Variants in ERBB4 observed in about 807,000 individuals in gnomAD.
ERBB4 encodes the protein receptor tyrosine-protein kinase erbB-4.
ERBB4 carries 42 observed loss-of-function variants against 158.0 expected under a neutral mutation model. The ratio of observed to expected loss-of-function variants is 0.27; its 90% CI spans 0.21 to 0.34. The LOEUF (loss-of-function observed/expected upper bound fraction) is 0.34. Ranked by LOEUF, ERBB4 falls within the 10% of genes least tolerant of loss-of-function variation. ERBB4 has a pLI of 1.00. For synonymous variants in ERBB4, 583 were observed against 558.7 expected (o/e 1.04, Z -0.61); for missense variants, 1,333 against 1,624.1 (o/e 0.82, Z 3.08).
intron 2 of ERBB4, among the ~76,000 whole-genome samples, chr2:211,962,022 T>C (rs2125177105): frequency 6.6e-6 from 1 of 152,232 alleles, no homozygotes; most frequent in East Asian, 1.9e-4. Flanking sequence ...GAGATTGGGA[T>C]AGGGCACATA....
intron 2 of ERBB4, among the ~76,000 whole-genome samples, chr2:211,991,544 T>C (rs1414262896): frequency 6.6e-6 from 1 of 152,174 alleles, no homozygotes; most frequent in African/African-American, 2.4e-5. Flanking sequence ...TTTTCTGGAA[T>C]AAAGAGTTTT....
At chr2:211,884,480 G>A (rs1405520501) in intron 3 of ERBB4, among the ~76,000 whole-genome samples, 1 of 152,010 alleles carries the variant, frequency 6.6e-6, no homozygotes, top group Non-Finnish European at 1.5e-5. Flanking sequence ...CCTAGGTTTT[G>A]TTCTTTTGTT....
intron 2 of ERBB4, among the ~76,000 whole-genome samples, chr2:212,047,308 C>T (rs2077283057): frequency 6.6e-6 from 1 of 152,102 alleles, no homozygotes. Flanking sequence ...CTAAATTATT[C>T]TCTTTAGTCT....
At chr2:212,054,562 T>C (rs1010802513) in intron 2 of ERBB4, among the ~76,000 whole-genome samples, 3 of 152,142 alleles carry the variant, frequency 2.0e-5, no homozygotes, top group Non-Finnish European at 2.9e-5. Context: ...GGATAAAATG[T>C]GGTTTCTTCT....
intron 20 of ERBB4, among the ~76,000 whole-genome samples, chr2:211,516,917 A>G (rs1345037539): frequency 1.3e-5 from 2 of 152,084 alleles, no homozygotes. Flanking sequence ...TAGAGAATGG[A>G]TTTGCTCCAT....
In ERBB4 at chr2:211,383,534, AAGGAAGACCACCAGAGAAAGAG is replaced by A. The variant is rs2062614459; in HGVS notation, c.*59_*80del. 82 of 1,190,172 alleles carry A rather than the reference AAGGAAGACCACCAGAGAAAGAG, an allele frequency of 6.9e-5. No homozygotes were observed. Among genetic ancestry groups the A allele is most frequent in the Non-Finnish European group, 9.9e-5 (79 of 799,912 alleles). 73.7% of individuals were successfully genotyped at this position (1,190,172 alleles called of 1,614,324 possible). On this transcript the variant is annotated 3_prime_UTR_variant, in exon 28 of 28. Coordinates refer to ENST00000342788, the MANE Select transcript of ERBB4 (RefSeq NM_005235.3). ...GTCAAAACTACTGGCCTTGGGGTAG[AAGGAAGACCACCAGAGAAAGAG>A]AGGGGGGTGGGGAAATTGGAGCAGG...
At chr2:211,559,349 T>A (rs1038068602) in intron 20 of ERBB4, among the ~76,000 whole-genome samples, 6 of 152,204 alleles carry the variant, frequency 3.9e-5, no homozygotes, top group Admixed American at 3.9e-4. Flanking sequence ...CAATTGCATG[T>A]TAAAATACTT....
Position 212,222,777 on chromosome 2 carries a change from A to G in ERBB4, c.83-97874T>C, listed in dbSNP as rs1053232326. Among the ~76,000 whole-genome samples, 15 of 151,378 alleles carry G rather than the reference A, an allele frequency of 9.9e-5. No homozygotes were observed. The South Asian group carries it at 1.0e-3, about 10-fold the overall frequency. On this transcript the variant is annotated intron_variant, in intron 1 of 27. Coordinates refer to ENST00000342788, the MANE Select transcript of ERBB4 (RefSeq NM_005235.3). ...TTACTAATATTTCCTAATTTTGCAT[A>G]TTTTGGGGGGTTGTTACGTGTTTAA...
At chr2:212,481,875 T>C (rs1313647257) in intron 1 of ERBB4, among the ~76,000 whole-genome samples, 1 of 152,216 alleles carries the variant, frequency 6.6e-6, no homozygotes, top group East Asian at 1.9e-4. Context: ...TATTGCATGT[T>C]TAAAAGAGTT....
chr2:211,624,103 GTCTCTC>G lies in ERBB4; in HGVS notation c.2080-65_2080-60del, dbSNP rs146953835. The stretch of plus-strand genomic sequence containing the variant: ...GTCCGATAGTCAGTCCTCTCTCTCT[GTCTCTC>G]TCTCTCTCTCTCTCTTTGGTTCTCT... On this transcript the variant is annotated intron_variant, in intron 17 of 27. Coordinates refer to ENST00000342788, the MANE Select transcript of ERBB4 (RefSeq NM_005235.3). 53 of 1,394,442 alleles carry G rather than the reference GTCTCTC, an allele frequency of 3.8e-5. 1 individual carries two copies. The highest frequency in any genetic ancestry group is 2.9e-4 in the South Asian group (23 of 78,806). The allele number at this position is 1,394,442 out of a possible 1,614,324, so 86.4% of individuals were successfully genotyped here. A position where few individuals can be genotyped will look rare whatever the true frequency, so the allele number is the denominator to read the frequency against.
chr2:212,352,832 C>T (rs985417914), intron 1 of ERBB4, among the ~76,000 whole-genome samples: 2 of 152,062 alleles, frequency 1.3e-5, no homozygotes, highest in African/African-American at 4.8e-5. Flanking sequence ...CATGGCACTG[C>T]ACTCCAGCCT....
At position 212,427,150 on chromosome 2, in the gene ERBB4, G is replaced by A. The variant is rs997624153; in HGVS notation, c.82+111299C>T. On this transcript the variant is annotated intron_variant, in intron 1 of 27. Coordinates refer to ENST00000342788, the MANE Select transcript of ERBB4 (RefSeq NM_005235.3). ...GATATGGAAATGAGTGTAATTAGCA[G>A]CGTAAATGATCTGTTATTTATGATA... Among the ~76,000 whole-genome samples the A allele has an allele frequency of 5.9e-5, 9 of 152,078 alleles. 1 individual carries two copies. The highest frequency in any genetic ancestry group is 1.9e-4 in the African/African-American group (8 of 41,426).
At chr2:212,019,155 C>A (rs551583355) in intron 2 of ERBB4, among the ~76,000 whole-genome samples, 39 of 152,206 alleles carry the variant, frequency 2.6e-4, no homozygotes, top group Non-Finnish European at 5.0e-4. Context: ...TGTAGAATAT[C>A]TGAGAAATTA....
chr2:211,999,141 C>G (rs955015796), intron 2 of ERBB4, among the ~76,000 whole-genome samples: 4 of 151,658 alleles, frequency 2.6e-5, no homozygotes, highest in Non-Finnish European at 5.9e-5. Flanking sequence ...TGACCTATAA[C>G]AGACTTTAAT....
At chr2:211,934,576 CA>C (rs1181272503) in intron 3 of ERBB4, among the ~76,000 whole-genome samples, 2 of 151,782 alleles carry the variant, frequency 1.3e-5, no homozygotes, top group Non-Finnish European at 2.9e-5. Flanking sequence ...ACCTCATCCA[CA>C]AAAAATTCTC....
chr2:211,868,073 C>A (rs1237300166), intron 3 of ERBB4, among the ~76,000 whole-genome samples: 1 of 152,184 alleles, frequency 6.6e-6, no homozygotes, highest in East Asian at 1.9e-4. Context: ...GTTTCCAGTA[C>A]ATAGAACTGC....
chr2:211,452,220 C>G (rs1224548017), intron 20 of ERBB4, among the ~76,000 whole-genome samples: 2 of 152,110 alleles, frequency 1.3e-5, no homozygotes, highest in Non-Finnish European at 2.9e-5. Flanking sequence ...CTCTGTTGCC[C>G]AGGCTGGAGT....
At chr2:212,185,245 C>T (rs1431959191) in intron 1 of ERBB4, among the ~76,000 whole-genome samples, 3 of 151,858 alleles carry the variant, frequency 2.0e-5, no homozygotes, top group Non-Finnish European at 4.4e-5. Flanking sequence ...TGGTCTCAAA[C>T]TCCTGGCCTC....
chr2:211,681,223 T>C (rs1465499173), intron 12 of ERBB4, among the ~76,000 whole-genome samples: 2 of 152,232 alleles, frequency 1.3e-5, no homozygotes, highest in African/African-American at 4.8e-5. Flanking sequence ...TATTCTATTG[T>C]ATGGATATAT....
Sources: allele counts gnomAD v4.1 joint callset (sites outside exome capture counted in the v4.1 genomes callset), GRCh38; gene constraint gnomAD v4.1.1; transcripts MANE v1.5; gene names NCBI Gene and HGNC (gene_info 2026-07-23, HGNC 2026-07-21).